ERLIN2: variants seen among roughly 807,000 people sequenced by gnomAD.
ERLIN2 encodes the protein ER lipid raft associated 2, also known as erlin-2.
In ERLIN2, 22 loss-of-function variants were observed where a neutral mutation model predicts 41.5. The ratio of observed to expected loss-of-function variants is 0.53; its 90% CI spans 0.38 to 0.76. ERLIN2 has a LOEUF of 0.76. Among genes scored for constraint, ERLIN2 ranks in the 30% least tolerant of loss-of-function variants. ERLIN2 has a pLI of 0.00. For missense variants in ERLIN2, 247 were observed against 414.3 expected, an observed-to-expected ratio of 0.60 and a Z score of 3.51; for synonymous variants, 149 against 150.9, an observed-to-expected ratio of 0.99 and a Z score of 0.09.
chr8:37,752,840 T>C (rs1803253397), intron 10 of ERLIN2, among the ~76,000 whole-genome samples: 1 of 152,246 alleles, frequency 6.6e-6, no homozygotes, highest in African/African-American at 2.4e-5. Flanking sequence ...CCATGGCGTG[T>C]AATTCTCTCT....
chr8:37,739,510 G>A (rs1398369912), intron 2 of ERLIN2, among the ~76,000 whole-genome samples: 1 of 151,552 alleles, frequency 6.6e-6, no homozygotes, highest in African/African-American at 2.4e-5. Context: ...CAGTCTCGCT[G>A]TGTTGCCCAG....
chr8:37,744,949 CTCAA>C (rs1360923597), intron 6 of ERLIN2: 1 of 630,664 alleles, frequency 1.6e-6, no homozygotes, highest in Non-Finnish European at 2.8e-6. Flanking sequence ...CACTTCTGGC[CTCAA>C]TCAGAGGCTG....
At chr8:37,750,521 C>CCT in intron 9 of ERLIN2, 35 bp downstream of exon 9, 1 of 1,555,592 alleles carries the variant, frequency 6.4e-7, no homozygotes, top group Non-Finnish European at 8.9e-7. Context: ...CCTTTCCAGG[C>CCT]AGAAAGGCTG....
intron 10 of ERLIN2, among the ~76,000 whole-genome samples, chr8:37,752,291 G>A (rs1036058509): frequency 2.6e-5 from 4 of 152,188 alleles, no homozygotes; most frequent in African/African-American, 9.6e-5. Flanking sequence ...CCTTCCCACT[G>A]CCCACCTCTT....
intron 6 of ERLIN2, chr8:37,745,686 C>G (rs1803021693): frequency 6.2e-7 from 1 of 1,606,794 alleles, no homozygotes; most frequent in African/African-American, 1.3e-5. Context: ...AGCAAACCGC[C>G]TTTTGCACCA....
chr8:37,748,866 G>A (rs1184792894), intron 6 of ERLIN2, among the ~76,000 whole-genome samples: 1 of 152,194 alleles, frequency 6.6e-6, no homozygotes, highest in Non-Finnish European at 1.5e-5. Context: ...GAAGGTGGGG[G>A]GAGAGTCAGT....
At chr8:37,746,542 C>G (rs1445203655) in intron 6 of ERLIN2, 1 of 963,792 alleles carries the variant, frequency 1.0e-6, no homozygotes, top group Non-Finnish European at 1.2e-6. Context: ...GTAAAAGATA[C>G]ACAACAGATC....
intron 10 of ERLIN2, among the ~76,000 whole-genome samples, chr8:37,752,585 G>A (rs1368933842): frequency 6.6e-6 from 1 of 152,174 alleles, no homozygotes; most frequent in Non-Finnish European, 1.5e-5. Context: ...TGGACTGCAG[G>A]TTCCTTCCAC....
chr8:37,747,467 G>C, intron 6 of ERLIN2: 1 of 1,611,522 alleles, frequency 6.2e-7, no homozygotes, highest in Non-Finnish European at 8.5e-7. Flanking sequence ...TTGGCATTCT[G>C]TGCATACGAG....
At chr8:37,745,686 C>T in intron 6 of ERLIN2, 1 of 1,606,912 alleles carries the variant, frequency 6.2e-7, no homozygotes, top group Admixed American at 1.7e-5. Context: ...AGCAAACCGC[C>T]TTTTGCACCA....
rs1222641581 is a variant in ERLIN2, at chr8:37,756,694, TTTTTA to T, written c.*2585_*2589del. On this transcript the variant is annotated 3_prime_UTR_variant, in exon 12 of 12. Coordinates refer to ENST00000519638, the MANE Select transcript of ERLIN2 (RefSeq NM_007175.8). ...CAACTAACCTGTCTGTGTAACTTTG[TTTTTA>T]TTTTAACTCTTACTAGAAAATCTAA... 1 of 152,680 alleles carries T rather than the reference TTTTTA, an allele frequency of 6.5e-6. No individual in the cohort carries two copies. Among genetic ancestry groups the T allele is most frequent in the South Asian group, 2.1e-4 (1 of 4,838 alleles). The allele number at this position is 152,680 out of a possible 1,614,324, so 9.5% of individuals were successfully genotyped here.
chr8:37,742,821 A>G (rs1018212767), intron 4 of ERLIN2, among the ~76,000 whole-genome samples: 2 of 152,366 alleles, frequency 1.3e-5, no homozygotes, highest in Non-Finnish European at 2.9e-5. Flanking sequence ...TAAACAATGG[A>G]AAATAAAATA....
intron 6 of ERLIN2, among the ~76,000 whole-genome samples, chr8:37,748,468 T>TC (rs1803129555): frequency 6.6e-6 from 1 of 152,174 alleles, no homozygotes; most frequent in Non-Finnish European, 1.5e-5. Flanking sequence ...AACGTTACCG[T>TC]CCCTTGTTTA....
intron 10 of ERLIN2, among the ~76,000 whole-genome samples, chr8:37,753,149 G>A (rs1222637309): frequency 6.6e-6 from 1 of 152,240 alleles, no homozygotes; most frequent in Non-Finnish European, 1.5e-5. Context: ...CTGGCTAACA[G>A]TGCTTTCTTC....
At chr8:37,747,841 C>G (rs553344442) in intron 6 of ERLIN2, 7 of 1,613,986 alleles carry the variant, frequency 4.3e-6, no homozygotes, top group Non-Finnish European at 5.9e-6. Context: ...CACACGGGAC[C>G]GGTCCCGGGG....
In ERLIN2 at chr8:37,744,959, G is replaced by A. The variant is rs1802988550; in HGVS notation, c.424+263G>A. On this transcript the variant is annotated intron_variant, in intron 6 of 11. Coordinates refer to ENST00000519638, the MANE Select transcript of ERLIN2 (RefSeq NM_007175.8). Reference sequence around the variant, plus strand: ...GTATTCACTTCTGGCCTCAATCAGAGGCTGGAGTGGAAATGTGTTCCCACT... The same window carrying A: ...GTATTCACTTCTGGCCTCAATCAGAAGCTGGAGTGGAAATGTGTTCCCACT... The A allele has an allele frequency of 1.3e-5, 8 of 620,932 alleles. No individual in the cohort carries two copies. The Admixed American group carries it at 2.2e-4, about 17-fold the overall frequency. 38.5% of individuals were successfully genotyped at this position (620,932 alleles called of 1,614,324 possible).
chr8:37,757,045 A>T lies in ERLIN2; in HGVS notation c.*2930A>T, dbSNP rs988976662. 1 of 152,232 alleles carries T rather than the reference A, an allele frequency of 6.6e-6. No homozygotes were observed. Among genetic ancestry groups the T allele is most frequent in the Admixed American group, 6.5e-5 (1 of 15,282 alleles). 9.4% of individuals were successfully genotyped at this position (152,232 alleles called of 1,614,324 possible). ...TAGATGTGGAGGGATCTGTGATCAT[A>T]TAAAAAGGGAGGGTTACTGAAAGAA... is the stretch of plus-strand genomic sequence containing the variant. On this transcript the variant is annotated 3_prime_UTR_variant, in exon 12 of 12. Coordinates refer to ENST00000519638, the MANE Select transcript of ERLIN2 (RefSeq NM_007175.8).
At chr8:37,743,641 T>TAAGG (rs554699380) in intron 4 of ERLIN2, among the ~76,000 whole-genome samples, 230 of 152,294 alleles carry the variant, frequency 1.5e-3, no homozygotes, top group Non-Finnish European at 2.4e-3. Context: ...GAAATCTGAA[T>TAAGG]AAGGACTGGG....
chr8:37,751,242 A>AT (rs1803211818), intron 9 of ERLIN2, among the ~76,000 whole-genome samples: 1 of 152,248 alleles, frequency 6.6e-6, no homozygotes, highest in Non-Finnish European at 1.5e-5. Flanking sequence ...GTTCAAACCA[A>AT]GGACACTGGC....
Sources: allele counts gnomAD v4.1 joint callset (sites outside exome capture counted in the v4.1 genomes callset), GRCh38; gene constraint gnomAD v4.1.1; transcripts MANE v1.5; gene names NCBI Gene and HGNC (gene_info 2026-07-23, HGNC 2026-07-21).